ZNF804B: variants seen among roughly 807,000 people sequenced by gnomAD.
ZNF804B encodes the protein zinc finger 804B.
A neutral mutation model predicts 101.4 loss-of-function variants in ZNF804B; 80 were observed. The ratio of observed to expected loss-of-function variants is 0.79; its 90% CI spans 0.66 to 0.95. ZNF804B has a LOEUF of 0.95. Ranked by LOEUF, ZNF804B falls within the 40% of genes least tolerant of loss-of-function variation. The pLI, the probability that ZNF804B is intolerant of heterozygous loss-of-function variation, is 0.00. For missense variants in ZNF804B, 1,673 were observed against 1,561.9 expected (o/e 1.07, Z -1.20); for synonymous variants, 622 against 558.8 (o/e 1.11, Z -1.59).
intron 1 of ZNF804B, among the ~76,000 whole-genome samples, chr7:88,822,229 A>G (rs562789904): frequency 3.3e-5 from 5 of 152,284 alleles, no homozygotes; most frequent in South Asian, 2.1e-4. Flanking sequence ...CCTTGGTTGT[A>G]TGAAGAATTT....
rs1791038443 is a variant in ZNF804B, at chr7:89,334,367, T to G, written c.1385T>G (p.Leu462Arg). Residue 462 changes from leucine to arginine, a missense_variant, in exon 4 of 4, where the codon CTG (leucine) becomes CGG (arginine). By Grantham distance (102) the Leu-to-Arg change is moderately radical. Coordinates refer to ENST00000333190, the MANE Select transcript of ZNF804B (RefSeq NM_181646.5). Reference sequence around the variant, plus strand: ...ACTCTTCAATGGCCTACGGAACTTCTGCTCTTTACAAAAACAGAACCCTGT... The same window carrying G: ...ACTCTTCAATGGCCTACGGAACTTCGGCTCTTTACAAAAACAGAACCCTGT... ...HTTLQWPTEL[L>R]LFTKTEPCIS... 6.2e-7 allele frequency: 1 copy of G among 1,613,752 alleles called. No homozygotes were observed. The highest frequency in any genetic ancestry group is 1.3e-5 in the African/African-American group (1 of 74,918).
chr7:89,020,084 C>T (rs1788641073), intron 1 of ZNF804B, among the ~76,000 whole-genome samples: 1 of 151,960 alleles, frequency 6.6e-6, no homozygotes, highest in South Asian at 2.1e-4. Flanking sequence ...ATGCAGCCAC[C>T]CATGTGGGCT....
intron 1 of ZNF804B, among the ~76,000 whole-genome samples, chr7:89,175,573 A>T (rs888041698): frequency 6.6e-6 from 1 of 151,994 alleles, no homozygotes; most frequent in African/African-American, 2.4e-5. Context: ...GATTCCATAT[A>T]CATTTTAGGA....
chr7:89,156,074 C>CTCATTCTCTCTTTCCTT, intron 1 of ZNF804B, among the ~76,000 whole-genome samples: 1 of 69,780 alleles, frequency 1.4e-5, no homozygotes, highest in South Asian at 4.5e-4. Context: ...CTTTCTTTCT[C>CTCATTCTCTCTTTCCTT]TCTTTCTCTC....
At position 88,870,400 on chromosome 7, in the gene ZNF804B, A is replaced by AAAAAAAAAAAAAAAAAAAAAAAAAG. The variant is rs781332488; in HGVS notation, c.108+110323_108+110324insAAAAAAAAAAAAAAAAAGAAAAAAA. ...ACTCCGTCTCAAAAAAAAAAAAAAA[A>AAAAAAAAAAAAAAAAAAAAAAAAAG]AAAAAAAGGTGGGTGATTGGAAAAC... On this transcript the variant is annotated intron_variant, in intron 1 of 3. Transcript: ENST00000333190. 1.2e-4 allele frequency among the ~76,000 whole-genome samples: 13 copies of AAAAAAAAAAAAAAAAAAAAAAAAAG among 112,698 alleles called. 1 individual carries two copies. Among genetic ancestry groups the AAAAAAAAAAAAAAAAAAAAAAAAAG allele is most frequent in the African/African-American group, 3.5e-4 (9 of 25,462 alleles). The allele number at this position is 112,698 out of a possible 152,430, so 73.9% of individuals were successfully genotyped here. A position where few individuals can be genotyped will look rare whatever the true frequency, so the allele number is the denominator to read the frequency against.
intron 1 of ZNF804B, among the ~76,000 whole-genome samples, chr7:88,836,439 C>G (rs1791216114): frequency 6.6e-6 from 1 of 151,928 alleles, no homozygotes; most frequent in African/African-American, 2.4e-5. Flanking sequence ...TCACTCTGGA[C>G]TACACAAAGA....
At chr7:88,762,700 C>CT (rs5885636) in intron 1 of ZNF804B, among the ~76,000 whole-genome samples, 1,679 of 142,064 alleles carry the variant, frequency 0.012, 32 homozygotes, top group African/African-American at 0.036. Context: ...GCTACTCTGA[C>CT]TTTTTTTTTT....
intron 1 of ZNF804B, among the ~76,000 whole-genome samples, chr7:88,886,147 A>G (rs1010364024): frequency 6.6e-6 from 1 of 152,146 alleles, no homozygotes; most frequent in African/African-American, 2.4e-5. Flanking sequence ...ATTAATGCAA[A>G]TAAAGGAGCA....
At chr7:88,847,958 A>G (rs1791399419) in intron 1 of ZNF804B, among the ~76,000 whole-genome samples, 1 of 152,216 alleles carries the variant, frequency 6.6e-6, no homozygotes, top group Non-Finnish European at 1.5e-5. Context: ...ATTCACAGAC[A>G]TGAATCAGCA....
chr7:89,129,896 T>C lies in ZNF804B; in HGVS notation c.109-88259T>C, dbSNP rs191731467. Among the ~76,000 whole-genome samples, 479 of 152,082 alleles carry C rather than the reference T, an allele frequency of 3.1e-3. 2 individuals carry two copies. The highest frequency in any genetic ancestry group is 0.011 in the African/African-American group (454 of 41,522). On this transcript the variant is annotated intron_variant, in intron 1 of 3. Coordinates refer to ENST00000333190, the MANE Select transcript of ZNF804B (RefSeq NM_181646.5). ...ATTAGCCCATGAAGACAAAAATATA[T>C]ATTTGGGTGAGTAAGAAGATTCTTA...
intron 1 of ZNF804B, among the ~76,000 whole-genome samples, chr7:89,044,059 A>C (rs1789062139): frequency 6.6e-6 from 1 of 152,218 alleles, no homozygotes; most frequent in Admixed American, 6.5e-5. Context: ...TAAGCCAGAC[A>C]CAGAAAGACA....
At chr7:89,008,957 T>C (rs2213986) in intron 1 of ZNF804B, among the ~76,000 whole-genome samples, 127,384 of 152,084 alleles carry the variant, frequency 0.84, 53,795 homozygotes, top group African/African-American at 0.95. Context: ...TTACCTAGAT[T>C]AGCTACCCTT....
At chr7:89,192,866 T>G (rs116092805) in intron 1 of ZNF804B, among the ~76,000 whole-genome samples, 28 of 152,192 alleles carry the variant, frequency 1.8e-4, no homozygotes, top group African/African-American at 6.3e-4. Flanking sequence ...TAAATAAACA[T>G]GATTAATCAC....
rs185853356 is a variant in ZNF804B at position 89,138,318 on chromosome 7, C to T, written c.109-79837C>T. ...TCACCAACAGCTTGCACCGTGTGACCTCTTGCTTCAGCGTGACCTGGATGT... is the reference window on the plus strand; with the variant it reads ...TCACCAACAGCTTGCACCGTGTGACTTCTTGCTTCAGCGTGACCTGGATGT... On this transcript the variant is annotated intron_variant, in intron 1 of 3. Coordinates refer to ENST00000333190, the MANE Select transcript of ZNF804B (RefSeq NM_181646.5). Among the ~76,000 whole-genome samples, 10 of 152,168 alleles carry T rather than the reference C, an allele frequency of 6.6e-5. No individual in the cohort carries two copies. The East Asian group carries it at 1.9e-3, about 30-fold the overall frequency.
intron 2 of ZNF804B, among the ~76,000 whole-genome samples, chr7:89,267,761 T>G (rs1483240275): frequency 6.6e-6 from 1 of 152,148 alleles, no homozygotes; most frequent in Non-Finnish European, 1.5e-5. Context: ...TGCTGAATAG[T>G]GAAGCAATAG....
chr7:88,825,248 G>A (rs912737651), intron 1 of ZNF804B, among the ~76,000 whole-genome samples: 1 of 152,088 alleles, frequency 6.6e-6, no homozygotes, highest in Non-Finnish European at 1.5e-5. Flanking sequence ...AAAGCTAGAG[G>A]TCCTGGCAGT....
At chr7:89,073,523 C>T (rs1006217107) in intron 1 of ZNF804B, among the ~76,000 whole-genome samples, 1 of 151,956 alleles carries the variant, frequency 6.6e-6, no homozygotes, top group Admixed American at 6.6e-5. Context: ...TGCTAGATTT[C>T]CTGTATCAGA....
At chr7:89,196,845 C>T (rs7788007) in intron 1 of ZNF804B, among the ~76,000 whole-genome samples, 49,913 of 151,740 alleles carry the variant, frequency 0.33, 8,963 homozygotes, top group African/African-American at 0.48. Flanking sequence ...GACATATGTA[C>T]GATCAACAAA....
chr7:88,883,237 A>G (rs147339033), intron 1 of ZNF804B, among the ~76,000 whole-genome samples: 2 of 152,154 alleles, frequency 1.3e-5, no homozygotes, highest in Non-Finnish European at 2.9e-5. Flanking sequence ...AGAGATTTTG[A>G]TCTCATCAGG....
Sources: gnomAD v4.1 joint callset for allele counts (sites outside exome capture counted in the v4.1 genomes callset) on GRCh38, gnomAD v4.1.1 for gene constraint, MANE v1.5 for transcripts, NCBI Gene and HGNC (gene_info 2026-07-23, HGNC 2026-07-21) for gene names.